NSD3: variants seen among roughly 807,000 people sequenced by gnomAD.
NSD3 encodes the protein nuclear receptor binding SET domain protein 3, also known as histone-lysine N-methyltransferase NSD3.
Under a neutral mutation model 160.8 loss-of-function variants are expected in NSD3, and 24 were observed. The observed-to-expected ratio is 0.15, with a 90% CI of 0.11 to 0.21. The LOEUF (loss-of-function observed/expected upper bound fraction) is 0.21. Among genes scored for constraint, NSD3 ranks in the 10% least tolerant of loss-of-function variants. The probability of loss-of-function intolerance (pLI) is 1.00; values close to 1 mark genes in which losing one functional copy is unlikely to be tolerated. For missense variants in NSD3, 1,157 were observed against 1,735.9 expected, an observed-to-expected ratio of 0.67 and a Z score of 5.93; for synonymous variants, 520 against 600.0, an observed-to-expected ratio of 0.87 and a Z score of 1.95.
chr8:38,374,671 G>A (rs1253003940), intron 1 of NSD3, among the ~76,000 whole-genome samples: 2 of 152,098 alleles, frequency 1.3e-5, no homozygotes, highest in Non-Finnish European at 2.9e-5. Context: ...TGGCCTGAAG[G>A]GGTCTCTGAA....
At chr8:38,324,902 G>C (rs984074266) in intron 7 of NSD3, among the ~76,000 whole-genome samples, 1 of 152,264 alleles carries the variant, frequency 6.6e-6, no homozygotes, top group African/African-American at 2.4e-5. Context: ...GAAGGTGCCT[G>C]TAGGGTGGCA....
At chr8:38,294,377 T>C (rs1809081546) in intron 16 of NSD3, among the ~76,000 whole-genome samples, 1 of 152,202 alleles carries the variant, frequency 6.6e-6, no homozygotes, top group African/African-American at 2.4e-5. Flanking sequence ...ATTACAGGCA[T>C]GAACCACTGT....
At chr8:38,299,299 A>G (rs907814413) in intron 15 of NSD3, 145 bp downstream of exon 15, 73 of 749,826 alleles carry the variant, frequency 9.7e-5, no homozygotes, top group Non-Finnish European at 1.5e-4. Flanking sequence ...GTGCAGCCAT[A>G]TGAAGAAACA....
chr8:38,325,026 T>C (rs1296990931), intron 7 of NSD3, among the ~76,000 whole-genome samples: 3 of 152,174 alleles, frequency 2.0e-5, no homozygotes, highest in Non-Finnish European at 4.4e-5. Flanking sequence ...CATGAACCAG[T>C]AAATGTAAAG....
chr8:38,329,099 G>GT lies in NSD3; in HGVS notation c.1581+278dup, dbSNP rs1351227178. On this transcript the variant is annotated intron_variant, in intron 6 of 23. Coordinates refer to ENST00000317025, the MANE Select transcript of NSD3 (RefSeq NM_023034.2). The surrounding 1 kb of genome is among the most constrained non-coding windows in gnomAD (Gnocchi z 4.8). ...AAACTAGAAACAGGCAAAGTGCCCA[G>GT]TTTTTTTCCATGACTTTAGGGAGCT... Among the ~76,000 whole-genome samples, 9 of 152,290 alleles carry GT rather than the reference G, an allele frequency of 5.9e-5. No individual in the cohort carries two copies. In the East Asian group the frequency reaches 1.5e-3, roughly 26 times the overall value.
intron 15 of NSD3, among the ~76,000 whole-genome samples, chr8:38,298,009 A>G (rs138587572): frequency 6.0e-4 from 92 of 152,288 alleles, no homozygotes; most frequent in African/African-American, 2.1e-3. Flanking sequence ...GAAAATCATC[A>G]TGATAAAGAT....
chr8:38,285,189 CA>C (rs780564472), intron 19 of NSD3, among the ~76,000 whole-genome samples: 7 of 152,086 alleles, frequency 4.6e-5, no homozygotes, highest in Non-Finnish European at 8.8e-5. Flanking sequence ...TAGACCACAG[CA>C]AAAAGGCTGT....
At chr8:38,334,720 A>G (rs771734755) in intron 4 of NSD3, among the ~76,000 whole-genome samples, 3 of 152,086 alleles carry the variant, frequency 2.0e-5, no homozygotes, top group Non-Finnish European at 4.4e-5. Flanking sequence ...AGATCGTGCT[A>G]CTGCACTACA....
chr8:38,281,460 A>G lies in NSD3; in HGVS notation c.3618+7T>C, dbSNP rs1808731747. The G allele has an allele frequency of 3.5e-6, 5 of 1,413,466 alleles. No individual in the cohort carries two copies. The highest frequency in any genetic ancestry group is 4.7e-6 in the Non-Finnish European group (5 of 1,068,260). The allele number at this position is 1,413,466 out of a possible 1,614,324, so 87.6% of individuals were successfully genotyped here. ...CTTTTTCTTACAAAAAAAAAAAGCAATTTTACCTTGGTAACAGTTAACATA... is the reference window on the plus strand; with the variant it reads ...CTTTTTCTTACAAAAAAAAAAAGCAGTTTTACCTTGGTAACAGTTAACATA... On this transcript the variant is annotated splice_region_variant and intron_variant, in intron 20 of 23. Coordinates refer to ENST00000317025, the MANE Select transcript of NSD3 (RefSeq NM_023034.2).
intron 2 of NSD3, among the ~76,000 whole-genome samples, chr8:38,343,506 C>G (rs965334084): frequency 1.5e-4 from 23 of 152,106 alleles, no homozygotes; most frequent in African/African-American, 5.1e-4. Context: ...GGTTCGCGAC[C>G]AGCCTGGCCA....
At chr8:38,351,165 G>C (rs1810690296) in intron 1 of NSD3, among the ~76,000 whole-genome samples, 2 of 148,928 alleles carry the variant, frequency 1.3e-5, no homozygotes, top group Admixed American at 1.3e-4. Flanking sequence ...TTTTAGTAGA[G>C]ACGGGGTTTC....
At chr8:38,364,688 G>C (rs1362450861) in intron 1 of NSD3, among the ~76,000 whole-genome samples, 1 of 152,150 alleles carries the variant, frequency 6.6e-6, no homozygotes, top group East Asian at 1.9e-4. Context: ...ATTGAATTTT[G>C]TGGCTGATTT....
chr8:38,375,527 G>C (rs1246942536), intron 1 of NSD3, among the ~76,000 whole-genome samples: 1 of 151,956 alleles, frequency 6.6e-6, no homozygotes, highest in Non-Finnish European at 1.5e-5. Flanking sequence ...AGTGTTTAAA[G>C]TCTTTATTAC....
At chr8:38,293,186 T>A (rs563527410) in intron 16 of NSD3, among the ~76,000 whole-genome samples, 81 of 151,442 alleles carry the variant, frequency 5.3e-4, no homozygotes, top group Non-Finnish European at 9.4e-4. Flanking sequence ...AGGTTTGATT[T>A]CAATACCCCA....
Position 38,315,994 on chromosome 8 carries a change from C to T in NSD3, c.1904G>A (p.Arg635His), listed in dbSNP as rs777597698. Reference protein sequence around the residue: ...DSCKPLKKRSRASTDVEMTSS... With the variant: ...DSCKPLKKRSHASTDVEMTSS... Reference sequence around the variant, plus strand: ...AGTCATTTCTACATCAGTTGAGGCGCGACTCCTTTTCTTTAGAGGTTTACA... The same window carrying T: ...AGTCATTTCTACATCAGTTGAGGCGTGACTCCTTTTCTTTAGAGGTTTACA... The change falls in exon 10 of 24, where the codon CGC becomes CAC. Residue 635 changes from arginine (R) to histidine (H), a missense_variant. Physicochemically the swap from Arg to His is conservative, Grantham distance 29. Coordinates refer to ENST00000317025, the MANE Select transcript of NSD3 (RefSeq NM_023034.2). The T allele has an allele frequency of 1.1e-5, 18 of 1,613,226 alleles. No individual in the cohort carries two copies. Among genetic ancestry groups the T allele is most frequent in the African/African-American group, 2.7e-5 (2 of 74,898 alleles).
intron 2 of NSD3, among the ~76,000 whole-genome samples, chr8:38,346,756 G>A (rs1810548390): frequency 6.6e-6 from 1 of 151,980 alleles, no homozygotes; most frequent in African/African-American, 2.4e-5. Flanking sequence ...ACATTTCTTT[G>A]AACAGAAAAT....
chr8:38,276,991 G>C (rs533929533), intron 22 of NSD3, among the ~76,000 whole-genome samples: 14 of 152,166 alleles, frequency 9.2e-5, no homozygotes, highest in African/African-American at 3.4e-4. Context: ...CACTAGGCTG[G>C]AGTGCAGTGG....
Position 38,319,003 on chromosome 8 carries a change from G to C in NSD3, c.1810-63C>G. 7.2e-7 allele frequency: 1 copy of C among 1,385,484 alleles called. No individual in the cohort carries two copies. Among genetic ancestry groups the C allele is most frequent in the Non-Finnish European group, 1.0e-6 (1 of 993,272 alleles). 85.8% of individuals were successfully genotyped at this position (1,385,484 alleles called of 1,614,324 possible). On this transcript the variant is annotated intron_variant, in intron 8 of 23. Transcript: ENST00000317025. The surrounding 1 kb of genome is among the most constrained non-coding windows in gnomAD (Gnocchi z 4.1). ...TTTTTCCCTTTTAATTATTAACAGA[G>C]GGAAAAGATACTTTCATCAATCTAA...
chr8:38,360,302 C>G (rs1279883547), intron 1 of NSD3, among the ~76,000 whole-genome samples: 25 of 152,116 alleles, frequency 1.6e-4, no homozygotes, highest in Admixed American at 1.6e-3. Flanking sequence ...TTCTTAAATT[C>G]CCATGGTAAT....
Sources: gnomAD v4.1 joint callset for allele counts (sites outside exome capture counted in the v4.1 genomes callset) on GRCh38, gnomAD v4.1.1 for gene constraint, Gnocchi (gnomAD v3.1) non-coding constraint, MANE v1.5 for transcripts, NCBI Gene and HGNC (gene_info 2026-07-23, HGNC 2026-07-21) for gene names.